NYNRIN: variants seen among roughly 807,000 people sequenced by gnomAD.
The protein encoded by NYNRIN is protein NYNRIN.
In NYNRIN, 86 loss-of-function variants were observed where a neutral mutation model predicts 146.6. That is an observed-to-expected ratio of 0.59 (90% CI 0.49 to 0.70). The LOEUF (loss-of-function observed/expected upper bound fraction) is 0.70, where lower values mean the gene tolerates loss of function less well. Among genes scored for constraint, NYNRIN ranks in the 30% least tolerant of loss-of-function variants. The probability of loss-of-function intolerance (pLI) is 0.00; values close to 1 mark genes in which losing one functional copy is unlikely to be tolerated. For synonymous variants in NYNRIN, 1,027 were observed against 1,001.3 expected, an observed-to-expected ratio of 1.03 and a Z score of -0.48; for missense variants, 2,191 against 2,377.7, an observed-to-expected ratio of 0.92 and a Z score of 1.63.
At chr14:24,410,440 G>A (rs1456739985) in intron 4 of NYNRIN, among the ~76,000 whole-genome samples, 2 of 152,216 alleles carry the variant, frequency 1.3e-5, no homozygotes, top group Non-Finnish European at 2.9e-5. Context: ...TCTGATAGAT[G>A]CTGAAGCAGG....
chr14:24,414,556 G>A lies in NYNRIN; in HGVS notation c.2847-40G>A, dbSNP rs116621508. 7.2e-4 allele frequency: 1,124 copies of A among 1,554,858 alleles called. 12 individuals are homozygous for A. The African/African-American group carries it at 0.013, about 18-fold the overall frequency. Reference sequence around the variant, plus strand: ...GCTTTCCCTTTGGAGGATTGCTCACGATGGGGCTGCCCTTCCCTCTTCCAT... The same window carrying A: ...GCTTTCCCTTTGGAGGATTGCTCACAATGGGGCTGCCCTTCCCTCTTCCAT... On this transcript the variant is annotated intron_variant, in intron 8 of 8. Coordinates refer to ENST00000382554, the MANE Select transcript of NYNRIN (RefSeq NM_025081.3).
At position 24,409,236 on chromosome 14, in the gene NYNRIN, C is replaced by T; in HGVS notation, c.1442C>T (p.Pro481Leu). 6.2e-7 allele frequency: 1 copy of T among 1,613,614 alleles called. No individual in the cohort carries two copies. Among genetic ancestry groups the T allele is most frequent in the Non-Finnish European group, 8.5e-7 (1 of 1,179,752 alleles). Residue 481 changes from proline to leucine, a missense_variant, in exon 4 of 9, where the codon CCA becomes CTA. Around this residue, in one of 3 missense-constraint regions of NYNRIN, gnomAD observed 895 missense variants for 941.2 expected, o/e 0.95. Coordinates refer to ENST00000382554, the MANE Select transcript of NYNRIN (RefSeq NM_025081.3). ...KVSSDLPQIG[P>L]PLTSTPQLQA... ...AGCTCGGATCTCCCACAGATAGGGC[C>T]ACCCTTGACCTCTACACCCCAACTA...
At chr14:24,410,555 C>G (rs1383953951) in intron 4 of NYNRIN, among the ~76,000 whole-genome samples, 1 of 152,212 alleles carries the variant, frequency 6.6e-6, no homozygotes, top group African/African-American at 2.4e-5. Context: ...CTTCCCAGGC[C>G]AGCTTTTAAA....
chr14:24,399,016 G>A lies in NYNRIN; in HGVS notation c.-88G>A. 1 of 497,210 alleles carries A rather than the reference G, an allele frequency of 2.0e-6. No homozygotes were observed. Among genetic ancestry groups the A allele is most frequent in the Non-Finnish European group, 3.5e-6 (1 of 284,022 alleles). The allele number at this position is 497,210 out of a possible 1,614,324, so 30.8% of individuals were successfully genotyped here. A position where few individuals can be genotyped will look rare whatever the true frequency, so the allele number is the denominator to read the frequency against. On this transcript the variant is annotated 5_prime_UTR_variant, in exon 1 of 9. Transcript: ENST00000382554. ...CACCCCTAGCTACAACCCCGGGCAG[G>A]AAGAGCTCGTCGCGGTAGCAGCGGT...
At chr14:24,402,841 T>A (rs1313891043) in intron 2 of NYNRIN, among the ~76,000 whole-genome samples, 1 of 152,182 alleles carries the variant, frequency 6.6e-6, no homozygotes, top group Non-Finnish European at 1.5e-5. Context: ...ATTTGAAAAG[T>A]CCAATTTTAC....
chr14:24,399,471 C>T (rs1486229073), intron 2 of NYNRIN, 27 bp downstream of exon 2: 3 of 1,567,926 alleles, frequency 1.9e-6, no homozygotes, highest in Admixed American at 3.6e-5. Context: ...CACCCCCACC[C>T]ATCTCTTCCA....
chr14:24,409,394 G>A lies in NYNRIN; in HGVS notation c.1600G>A (p.Val534Ile). 3 of 1,614,042 alleles carry A rather than the reference G, an allele frequency of 1.9e-6. No individual in the cohort carries two copies. Among genetic ancestry groups the A allele is most frequent in the Non-Finnish European group, 1.7e-6 (2 of 1,179,902 alleles). The change falls in exon 4 of 9, where the codon GTA becomes ATA. Residue 534 changes from valine to isoleucine, a missense_variant. Transcript: ENST00000382554. ...TCAAGGGGGGCTGACAGATCAGTCA[G>A]TACCTGGAGCTCAAACAGTGCCTGA... is the stretch of plus-strand genomic sequence containing the variant. ...VAQGGLTDQS[V>I]PGAQTVPETL...
intron 2 of NYNRIN, among the ~76,000 whole-genome samples, chr14:24,405,480 T>A (rs1418173542): frequency 2.0e-5 from 3 of 152,242 alleles, no homozygotes; most frequent in Non-Finnish European, 4.4e-5. Flanking sequence ...TGTTAGTTGT[T>A]CCTGCCTCTT....
chr14:24,408,801 C>T lies in NYNRIN; in HGVS notation c.1007C>T (p.Pro336Leu). 1.2e-6 allele frequency: 2 copies of T among 1,614,052 alleles called. No homozygotes were observed. Among genetic ancestry groups the T allele is most frequent in the South Asian group, 1.1e-5 (1 of 91,080 alleles). Reference sequence around the variant, plus strand: ...ATAGAAGATAAACTCCTCTTCCAACCTCCAGTATCAGCCCTGGGTGTGTGC... The same window carrying T: ...ATAGAAGATAAACTCCTCTTCCAACTTCCAGTATCAGCCCTGGGTGTGTGC... ...QKIEDKLLFQ[P>L]PVSALGVCPP... Residue 336 changes from proline (P) to leucine (L), a missense_variant, in exon 4 of 9, where the codon CCT becomes CTT. Around this residue, in one of 3 missense-constraint regions of NYNRIN, gnomAD observed 895 missense variants for 941.2 expected, o/e 0.95. Transcript: ENST00000382554.
At position 24,416,496 on chromosome 14, in the gene NYNRIN, T is replaced by C. The variant is rs1178823625; in HGVS notation, c.4747T>C (p.Cys1583Arg). ...PGMQEHVKDYCRSCLFCIPRN... is the reference protein window; with the variant it reads ...PGMQEHVKDYRRSCLFCIPRN... The stretch of plus-strand genomic sequence containing the variant: ...GATGCAGGAGCATGTGAAAGATTAC[T>C]GCAGGAGCTGCTTGTTCTGCATCCC... Residue 1583 changes from cysteine to arginine, a missense_variant, in exon 9 of 9, where the codon TGC becomes CGC. Cys to Arg is a radical substitution (Grantham distance 180). Coordinates refer to ENST00000382554, the MANE Select transcript of NYNRIN (RefSeq NM_025081.3). 3.7e-6 allele frequency: 6 copies of C among 1,613,524 alleles called. No homozygotes were observed. The highest frequency in any genetic ancestry group is 1.3e-5 in the African/African-American group (1 of 74,922).
Position 24,416,122 on chromosome 14 carries a change from T to C in NYNRIN, c.4373T>C (p.Leu1458Ser), listed in dbSNP as rs143110133. The C allele has an allele frequency of 7.5e-5, 121 of 1,613,944 alleles. No individual in the cohort carries two copies. In the African/African-American group the frequency reaches 1.6e-3, roughly 21 times the overall value. Residue 1458 changes from leucine to serine, a missense_variant, in exon 9 of 9, where the codon TTG becomes TCG. This residue lies in a region of NYNRIN where 1,291 missense variants were observed against 1,417.0 expected (regional missense o/e 0.91). Coordinates refer to ENST00000382554, the MANE Select transcript of NYNRIN (RefSeq NM_025081.3). Reference protein sequence around the residue: ...GAQGGGQWWSLPKDVPAPTVS... With the variant: ...GAQGGGQWWSSPKDVPAPTVS... ...CAGGGGGGTGGGCAGTGGTGGAGTT[T>C]GCCAAAGGATGTGCCAGCCCCTACA...
At chr14:24,412,893 G>C in intron 6 of NYNRIN, 104 bp from the exon 7 acceptor site, 1 of 733,722 alleles carries the variant, frequency 1.4e-6, no homozygotes, top group Non-Finnish European at 2.3e-6. Context: ...CAGTGTCTTT[G>C]TCTGACACAC....
intron 4 of NYNRIN, 76 bp from the exon 5 acceptor site, chr14:24,411,000 C>A: frequency 6.3e-7 from 1 of 1,578,352 alleles, no homozygotes; most frequent in African/African-American, 1.4e-5. Flanking sequence ...GCTGGCATTG[C>A]TTGCTTGCTG....
chr14:24,406,233 A>AAATAC (rs2042874813), intron 2 of NYNRIN, among the ~76,000 whole-genome samples: 1 of 151,110 alleles, frequency 6.6e-6, no homozygotes, highest in Admixed American at 6.6e-5. Flanking sequence ...AAATAAAATA[A>AAATAC]AATAAAATAA....
At position 24,409,921 on chromosome 14, in the gene NYNRIN, T is replaced by C; in HGVS notation, c.2127T>C (p.Ala709=). The change falls in exon 4 of 9, where the codon GCT becomes GCC. Residue 709 remains alanine (A), a synonymous_variant. Coordinates refer to ENST00000382554, the MANE Select transcript of NYNRIN (RefSeq NM_025081.3). ...LLSEVQPTSR[A]SVSLLKGQGQ... ...GTGAGGTCCAGCCTACATCAAGGGC[T>C]AGTGTCTCCTTACTGAAGGGCCAGG... 1 of 1,613,792 alleles carries C rather than the reference T, an allele frequency of 6.2e-7. No individual in the cohort carries two copies. The highest frequency in any genetic ancestry group is 8.5e-7 in the Non-Finnish European group (1 of 1,179,790).
At chr14:24,406,515 T>A (rs1594738564) in intron 2 of NYNRIN, among the ~76,000 whole-genome samples, 1 of 152,026 alleles carries the variant, frequency 6.6e-6, no homozygotes, top group Non-Finnish European at 1.5e-5. Flanking sequence ...TTTGAGCTGG[T>A]TTTGAACTGA....
At chr14:24,405,038 G>GTGTGAA (rs542453195) in intron 2 of NYNRIN, among the ~76,000 whole-genome samples, 2 of 148,940 alleles carry the variant, frequency 1.3e-5, no homozygotes, top group Non-Finnish European at 3.0e-5. Context: ...GAGAGAATGT[G>GTGTGAA]TGTGTGTGAA....
chr14:24,408,247 G>GTGCGGGATGC lies in NYNRIN; in HGVS notation c.584_593dup (p.Lys199CysfsTer18). 1 of 1,609,216 alleles carries GTGCGGGATGC rather than the reference G, an allele frequency of 6.2e-7. No individual in the cohort carries two copies. Among genetic ancestry groups the GTGCGGGATGC allele is most frequent in the Non-Finnish European group, 8.5e-7 (1 of 1,179,582 alleles). The stretch of plus-strand genomic sequence containing the variant: ...GGTCCAGGAGCTGCTGCTGAGCCTG[G>GTGCGGGATGC]TGCGGGATGCTGCGGGCAAGGAAGA... On this transcript the variant is annotated frameshift_variant, in exon 3 of 9. Coordinates refer to ENST00000382554, the MANE Select transcript of NYNRIN (RefSeq NM_025081.3). LOFTEE classifies it high-confidence loss of function.
chr14:24,400,987 C>T (rs2042838860), intron 2 of NYNRIN, among the ~76,000 whole-genome samples: 2 of 152,146 alleles, frequency 1.3e-5, no homozygotes, highest in African/African-American at 4.8e-5. Context: ...TGAGGTTTCA[C>T]CATGTTGGCC....
Sources: allele counts gnomAD v4.1 joint callset (sites outside exome capture counted in the v4.1 genomes callset), GRCh38; gene constraint gnomAD v4.1.1; regional missense constraint gnomAD v4.1.1; transcripts MANE v1.5; gene names NCBI Gene and HGNC (gene_info 2026-07-23, HGNC 2026-07-21).